NAALADL2: variants seen among roughly 807,000 people sequenced by gnomAD.
The protein encoded by NAALADL2 is N-acetylated alpha-linked acidic dipeptidase like 2.
In NAALADL2, 76 loss-of-function variants were observed where a neutral mutation model predicts 87.2. The ratio of observed to expected loss-of-function variants is 0.87; its 90% confidence interval spans 0.72 to 1.05. The LOEUF is 1.05. Ranked by LOEUF, NAALADL2 falls within the 50% of genes least tolerant of loss-of-function variation. The pLI, the probability that NAALADL2 is intolerant of heterozygous loss-of-function variation, is 0.00. For synonymous variants in NAALADL2, 354 were observed against 331.0 expected (o/e 1.07, Z -0.75); for missense variants, 1,089 against 945.8 (o/e 1.15, Z -1.99).
intron 5 of NAALADL2, among the ~76,000 whole-genome samples, chr3:175,351,881 A>T (rs1763813527): frequency 6.6e-6 from 1 of 152,100 alleles, no homozygotes; most frequent in African/African-American, 2.4e-5. Flanking sequence ...ATCTTAAAGC[A>T]ATTACATCAT....
chr3:175,667,360 A>G (rs1324949717), intron 11 of NAALADL2, among the ~76,000 whole-genome samples: 1 of 152,194 alleles, frequency 6.6e-6, no homozygotes, highest in Admixed American at 6.5e-5. Flanking sequence ...CAGATATTGC[A>G]GAGGATGAAA....
intron 10 of NAALADL2, among the ~76,000 whole-genome samples, chr3:175,584,246 A>T (rs6766180): frequency 1.3e-5 from 2 of 151,952 alleles, no homozygotes; most frequent in African/African-American, 4.8e-5. Context: ...CCATGTTGCC[A>T]GGCCAGTCTC....
At chr3:174,964,886 A>G (rs1288049431) in intron 1 of NAALADL2, among the ~76,000 whole-genome samples, 3 of 151,414 alleles carry the variant, frequency 2.0e-5, no homozygotes, top group Non-Finnish European at 2.9e-5. Flanking sequence ...ATTTATATAT[A>G]TATAATTTTA....
chr3:174,843,416 A>G (rs1206596367), intron 3 of NAALADL2, among the ~76,000 whole-genome samples: 1 of 151,988 alleles, frequency 6.6e-6, no homozygotes, highest in South Asian at 2.1e-4. Flanking sequence ...GATATATACC[A>G]CATTTTCTTT....
chr3:175,187,346 T>C (rs1008166504), intron 2 of NAALADL2, among the ~76,000 whole-genome samples: 5 of 152,216 alleles, frequency 3.3e-5, no homozygotes, highest in African/African-American at 1.2e-4. Context: ...GTTTACTGAC[T>C]CAAGGGTGTT....
intron 1 of NAALADL2, among the ~76,000 whole-genome samples, chr3:174,930,295 TA>T (rs1036868724): frequency 2.6e-5 from 4 of 152,068 alleles, no homozygotes; most frequent in African/African-American, 9.7e-5. Context: ...GTGATTTTTT[TA>T]AAAAAATGTT....
intron 2 of NAALADL2, among the ~76,000 whole-genome samples, chr3:175,156,720 A>G (rs114543080): frequency 0.013 from 1,949 of 152,208 alleles, 24 homozygotes; most frequent in South Asian, 0.043. Flanking sequence ...TAGCTCATCT[A>G]GCAATAACAA....
intron 5 of NAALADL2, among the ~76,000 whole-genome samples, chr3:175,335,891 T>G (rs1482754851): frequency 6.6e-6 from 1 of 152,176 alleles, no homozygotes; most frequent in African/African-American, 2.4e-5. Context: ...TTTAAGTAAA[T>G]TAAAAGTGAG....
intron 11 of NAALADL2, among the ~76,000 whole-genome samples, chr3:175,641,501 T>C (rs1729282537): frequency 6.6e-6 from 1 of 152,154 alleles, no homozygotes; most frequent in African/African-American, 2.4e-5. Flanking sequence ...TCAGTAATTA[T>C]TTGCTGAACA....
At chr3:175,727,161 C>T (rs1030280804) in intron 11 of NAALADL2, among the ~76,000 whole-genome samples, 12 of 152,090 alleles carry the variant, frequency 7.9e-5, no homozygotes, top group African/African-American at 2.9e-4. Flanking sequence ...AATTCTGCAA[C>T]TCGGTGCAGG....
chr3:174,946,723 AAG>A (rs529225128), intron 1 of NAALADL2, among the ~76,000 whole-genome samples: 148 of 152,222 alleles, frequency 9.7e-4, no homozygotes, highest in Middle Eastern at 3.4e-3. Flanking sequence ...AGAACGGAGA[AAG>A]AGAGAATGTG....
At chr3:175,707,877 A>G (rs1046442904) in intron 11 of NAALADL2, among the ~76,000 whole-genome samples, 5 of 152,084 alleles carry the variant, frequency 3.3e-5, no homozygotes, top group Admixed American at 2.6e-4. Flanking sequence ...GCGCTGATGG[A>G]AAGAAAAACT....
intron 2 of NAALADL2, among the ~76,000 whole-genome samples, chr3:175,148,713 T>C (rs1731134232): frequency 6.6e-6 from 1 of 152,162 alleles, no homozygotes; most frequent in Non-Finnish European, 1.5e-5. Flanking sequence ...CTTTCCCCAT[T>C]GCTTATTTTA....
chr3:175,679,859 C>T (rs1052808438), intron 11 of NAALADL2, among the ~76,000 whole-genome samples: 1 of 151,660 alleles, frequency 6.6e-6, no homozygotes, highest in Non-Finnish European at 1.5e-5. Context: ...AAGAGTATAA[C>T]AAATAAGCAG....
chr3:175,450,052 C>T (rs1721325808), intron 6 of NAALADL2, among the ~76,000 whole-genome samples: 1 of 151,946 alleles, frequency 6.6e-6, no homozygotes, highest in Admixed American at 6.5e-5. Flanking sequence ...TCTGGTAAAT[C>T]AGTATTGGAA....
chr3:175,396,027 C>A (rs932607637), intron 5 of NAALADL2, among the ~76,000 whole-genome samples: 5 of 152,124 alleles, frequency 3.3e-5, no homozygotes, highest in Admixed American at 3.3e-4. Flanking sequence ...ATTCAATAAA[C>A]AACTCACTGT....
intron 9 of NAALADL2, among the ~76,000 whole-genome samples, chr3:175,504,910 G>A (rs558840847): frequency 6.4e-4 from 98 of 152,114 alleles, no homozygotes; most frequent in Non-Finnish European, 1.2e-3. Context: ...GTGTGTGGAT[G>A]ACACAATGAG....
chr3:174,700,439 C>T (rs1276727803), intron 2 of NAALADL2, among the ~76,000 whole-genome samples: 1 of 152,102 alleles, frequency 6.6e-6, no homozygotes, highest in Non-Finnish European at 1.5e-5. Flanking sequence ...GGAACTAATT[C>T]TTCCAAAGCT....
intron 11 of NAALADL2, among the ~76,000 whole-genome samples, chr3:175,654,686 C>CT (rs35531771): frequency 1.3e-5 from 2 of 151,990 alleles, no homozygotes; most frequent in Non-Finnish European, 2.9e-5. Context: ...GATTTCTTTT[C>CT]TTTTTTTTAC....
Sources: gnomAD v4.1 joint callset for allele counts (sites outside exome capture counted in the v4.1 genomes callset) on GRCh38, gnomAD v4.1.1 for gene constraint, MANE v1.5 for transcripts, NCBI Gene and HGNC (gene_info 2026-07-23, HGNC 2026-07-21) for gene names.